Variants in PCDH10 observed in about 807,000 individuals in gnomAD.
PCDH10 encodes the protein protocadherin 10.
PCDH10 carries 15 observed loss-of-function variants against 74.4 expected under a neutral mutation model. The ratio of observed to expected loss-of-function variants is 0.20; its 90% CI spans 0.13 to 0.31. The LOEUF (loss-of-function observed/expected upper bound fraction) is 0.31. Among genes scored for constraint, PCDH10 ranks in the 10% least tolerant of loss-of-function variants. The probability of loss-of-function intolerance (pLI) is 1.00; values close to 1 mark genes in which losing one functional copy is unlikely to be tolerated. For synonymous variants in PCDH10, 619 were observed against 589.8 expected (o/e 1.05, Z -0.72); for missense variants, 1,260 against 1,390.2 (o/e 0.91, Z 1.49).
rs190366211 is a variant in PCDH10 at position 133,207,405 on chromosome 4, G to T, written n.438-671G>T. The stretch of plus-strand genomic sequence containing the variant: ...ACAGAAACTAGGCCATTTGGGCATT[G>T]CCTTTGCCACCAGCAATTGACACCT... On this transcript the variant is annotated intron_variant and non_coding_transcript_variant, in intron 2 of 2. Coordinates refer to the PCDH10 transcript ENST00000511112. 3.7e-3 allele frequency among the ~76,000 whole-genome samples: 560 copies of T among 152,216 alleles called. 4 individuals carry two copies. The highest frequency in any genetic ancestry group is 0.013 in the African/African-American group (533 of 41,528).
At chr4:133,203,450 G>A (rs1011597367) in intron 2 of PCDH10, among the ~76,000 whole-genome samples, 2 of 152,118 alleles carry the variant, frequency 1.3e-5, no homozygotes, top group African/African-American at 4.8e-5. Context: ...AAGAGCCCCA[G>A]ACTTAAGTTG....
intron 4 of PCDH10, among the ~76,000 whole-genome samples, chr4:133,174,356 T>C (rs564082494): frequency 6.6e-6 from 1 of 151,880 alleles, no homozygotes; most frequent in Non-Finnish European, 1.5e-5. Context: ...TGTGGAAGCA[T>C]GAATTAGTCA....
rs1230365812 is a variant in PCDH10, at chr4:133,192,348, G to C, written c.*2188G>C. ...TTTTTAGCAAGAAAATGATTTTCTT[G>C]TTGAGTCACTCTGCTTTAATTAAAA... On this transcript the variant is annotated 3_prime_UTR_variant, in exon 5 of 5. Coordinates refer to ENST00000264360, the MANE Select transcript of PCDH10 (RefSeq NM_032961.3). 1 of 151,460 alleles carries C rather than the reference G, an allele frequency of 6.6e-6. No individual in the cohort carries two copies. Among genetic ancestry groups the C allele is most frequent in the African/African-American group, 2.4e-5 (1 of 41,378 alleles). The allele number at this position is 151,460 out of a possible 1,614,324, so 9.4% of individuals were successfully genotyped here. A position where few individuals can be genotyped will look rare whatever the true frequency, so the allele number is the denominator to read the frequency against.
chr4:133,207,083 T>C (rs1376451319), intron 2 of PCDH10, among the ~76,000 whole-genome samples: 1 of 152,132 alleles, frequency 6.6e-6, no homozygotes, highest in African/African-American at 2.4e-5. Context: ...ACTTTTTTTG[T>C]AATATCATTA....
chr4:133,203,052 G>T (rs2125878217), intron 2 of PCDH10, among the ~76,000 whole-genome samples: 1 of 152,232 alleles, frequency 6.6e-6, no homozygotes, highest in East Asian at 1.9e-4. Flanking sequence ...CATGACCCAA[G>T]ACATAATGGC....
chr4:133,166,800 A>C (rs571152330), intron 4 of PCDH10, among the ~76,000 whole-genome samples: 1 of 151,656 alleles, frequency 6.6e-6, no homozygotes, highest in East Asian at 1.9e-4. Flanking sequence ...CAATAAACAT[A>C]ATCAATTCCT....
chr4:133,195,005 AAAAG>A (rs891514638), downstream of PCDH10, among the ~76,000 whole-genome samples: 1 of 152,018 alleles, frequency 6.6e-6, no homozygotes, highest in African/African-American at 2.4e-5. Flanking sequence ...TTCAAGCAAT[AAAAG>A]AAAGGGATTT....
intron 2 of PCDH10, among the ~76,000 whole-genome samples, chr4:133,200,715 C>A (rs1352109978): frequency 6.6e-6 from 1 of 152,146 alleles, no homozygotes; most frequent in Non-Finnish European, 1.5e-5. Context: ...TATAAGTCAA[C>A]TCATGGAAGA....
chr4:133,201,981 G>C (rs1399423262), intron 2 of PCDH10, among the ~76,000 whole-genome samples: 1 of 151,904 alleles, frequency 6.6e-6, no homozygotes, highest in Non-Finnish European at 1.5e-5. Context: ...GGCTCTCTTG[G>C]TTATACAAGA....
chr4:133,164,750 T>G (rs1199400805), intron 4 of PCDH10, among the ~76,000 whole-genome samples: 1 of 151,432 alleles, frequency 6.6e-6, no homozygotes, highest in Non-Finnish European at 1.5e-5. Context: ...ATGGAAACAA[T>G]TTTTATTATT....
chr4:133,203,736 A>G (rs769947179), intron 2 of PCDH10, among the ~76,000 whole-genome samples: 1 of 152,208 alleles, frequency 6.6e-6, no homozygotes, highest in Non-Finnish European at 1.5e-5. Flanking sequence ...TACAGCTTTC[A>G]GTCCGTTTCC....
In PCDH10 at chr4:133,158,361, A is replaced by T. The variant is rs1021202426; in HGVS notation, c.2797+3338A>T. 1.4e-4 allele frequency among the ~76,000 whole-genome samples: 22 copies of T among 152,170 alleles called. No homozygotes were observed. The East Asian group carries it at 3.1e-3, about 21-fold the overall frequency. ...TACATTGTCAATAATGCTAAGCTTA[A>T]TTATAGATTTATTTTTAATACCTTG... On this transcript the variant is annotated intron_variant, in intron 3 of 4. Transcript: ENST00000264360.
chr4:133,153,042 C>T (rs1398878447), intron 1 of PCDH10: 6 of 1,407,514 alleles, frequency 4.3e-6, no homozygotes, highest in Non-Finnish European at 5.6e-6. Flanking sequence ...TCCATCCTGT[C>T]AGTCCTTTCC....
At chr4:133,167,862 G>A (rs1727119236) in intron 4 of PCDH10, among the ~76,000 whole-genome samples, 1 of 150,818 alleles carries the variant, frequency 6.6e-6, no homozygotes, top group African/African-American at 2.4e-5. Context: ...AATAAATCTG[G>A]CATTATCAAA....
intron 3 of PCDH10, among the ~76,000 whole-genome samples, chr4:133,161,961 T>A (rs183273204): frequency 6.6e-6 from 1 of 152,302 alleles, no homozygotes; most frequent in East Asian, 1.9e-4. Context: ...GCTATATATA[T>A]CAGCATTAAT....
chr4:133,153,068 G>C, intron 1 of PCDH10: 1 of 1,359,082 alleles, frequency 7.4e-7, no homozygotes, highest in Non-Finnish European at 9.5e-7. Flanking sequence ...CAGTAACCTG[G>C]GCATGAAGGG....
At chr4:133,160,910 A>G (rs921462715) in intron 3 of PCDH10, among the ~76,000 whole-genome samples, 1 of 152,006 alleles carries the variant, frequency 6.6e-6, no homozygotes, top group Admixed American at 6.6e-5. Flanking sequence ...ATGTTCCCCC[A>G]TCATTCTATT....
chr4:133,194,793 G>T (rs1054097800), downstream of PCDH10: 2 of 151,828 alleles, frequency 1.3e-5, no homozygotes, highest in Non-Finnish European at 2.9e-5. Flanking sequence ...GCATATGCTA[G>T]GTTTTAAAGG....
downstream of PCDH10, among the ~76,000 whole-genome samples, chr4:133,195,448 C>CT (rs1193359615): frequency 2.2e-5 from 3 of 139,190 alleles, no homozygotes; most frequent in Admixed American, 1.4e-4. Flanking sequence ...TACAAGTTGC[C>CT]TTGCTTCCCC....
Sources: gnomAD v4.1 joint callset for allele counts (sites outside exome capture counted in the v4.1 genomes callset) on GRCh38, gnomAD v4.1.1 for gene constraint, MANE v1.5 for transcripts, NCBI Gene and HGNC (gene_info 2026-07-23, HGNC 2026-07-21) for gene names.